CCSER1: variants seen among roughly 807,000 people sequenced by gnomAD.
CCSER1 encodes coiled-coil serine rich protein 1, also known as serine-rich coiled-coil domain-containing protein 1.
A neutral mutation model predicts 82.0 loss-of-function variants in CCSER1; 41 were observed. The observed-to-expected ratio is 0.50, with a 90% CI of 0.39 to 0.65. The LOEUF (loss-of-function observed/expected upper bound fraction) is 0.65, where lower values mean the gene tolerates loss of function less well. Ranked by LOEUF, CCSER1 falls within the 30% of genes least tolerant of loss-of-function variation. CCSER1 has a pLI of 0.00. For synonymous variants in CCSER1, 414 were observed against 383.9 expected (o/e 1.08, Z -0.92); for missense variants, 1,119 against 1,064.2 (o/e 1.05, Z -0.72).
chr4:91,391,641 G>C (rs1237103356), intron 10 of CCSER1, among the ~76,000 whole-genome samples: 1 of 152,094 alleles, frequency 6.6e-6, no homozygotes, highest in Non-Finnish European at 1.5e-5. Context: ...TTAATCTCTA[G>C]AATTTTGGGA....
chr4:90,612,801 T>G (rs2148830370), intron 5 of CCSER1, among the ~76,000 whole-genome samples: 1 of 152,290 alleles, frequency 6.6e-6, no homozygotes, highest in East Asian at 1.9e-4. Flanking sequence ...CGTACTCTGT[T>G]AAAATAAAAT....
At chr4:91,273,420 G>T (rs532174935) in intron 10 of CCSER1, among the ~76,000 whole-genome samples, 27 of 152,212 alleles carry the variant, frequency 1.8e-4, no homozygotes, top group African/African-American at 5.5e-4. Flanking sequence ...TGCTGTTTGT[G>T]TATAGAAGAT....
chr4:91,144,233 T>A (rs371328471), intron 10 of CCSER1, among the ~76,000 whole-genome samples: 147 of 152,106 alleles, frequency 9.7e-4, no homozygotes, highest in African/African-American at 3.4e-3. Context: ...TTTTCTAGAT[T>A]TTCTAGTTGA....
At chr4:90,588,472 G>A (rs1383564412) in intron 5 of CCSER1, among the ~76,000 whole-genome samples, 5 of 152,172 alleles carry the variant, frequency 3.3e-5, no homozygotes, top group African/African-American at 1.2e-4. Flanking sequence ...TGAGTTTGCA[G>A]CAATTCAGTT....
rs192804343 is a variant in CCSER1, at chr4:90,461,237, T to A, written c.1604-6997T>A. ...CCCGCCACTACGCCCGGCTAATTTT[T>A]TGTATTTTTAGTAGAGACGGGGTTT... On this transcript the variant is annotated intron_variant, in intron 4 of 10. Coordinates refer to ENST00000509176, the MANE Select transcript of CCSER1 (RefSeq NM_001145065.2). 2.8e-4 allele frequency among the ~76,000 whole-genome samples: 39 copies of A among 139,416 alleles called. 7 individuals are homozygous for A. The highest frequency in any genetic ancestry group is 1.1e-3 in the African/African-American group (36 of 33,176). The allele number at this position is 139,416 out of a possible 152,430, so 91.5% of individuals were successfully genotyped here. A position where few individuals can be genotyped will look rare whatever the true frequency, so the allele number is the denominator to read the frequency against.
intron 9 of CCSER1, among the ~76,000 whole-genome samples, chr4:90,995,328 T>C (rs1471826260): frequency 6.6e-6 from 1 of 152,138 alleles, no homozygotes; most frequent in African/African-American, 2.4e-5. Context: ...TCCATTAGTT[T>C]TTGGACATTG....
chr4:90,864,925 C>T (rs963148521), intron 8 of CCSER1, among the ~76,000 whole-genome samples: 32 of 152,050 alleles, frequency 2.1e-4, no homozygotes, highest in Admixed American at 1.4e-3. Context: ...TCTATGACTG[C>T]TGGTAGGTGT....
chr4:91,492,518 C>T (rs973358065), intron 10 of CCSER1, among the ~76,000 whole-genome samples: 1 of 152,076 alleles, frequency 6.6e-6, no homozygotes, highest in Admixed American at 6.6e-5. Flanking sequence ...AGTATATCCC[C>T]CAGATAAGTC....
intron 10 of CCSER1, among the ~76,000 whole-genome samples, chr4:91,146,905 A>C (rs1335471214): frequency 6.6e-6 from 1 of 152,106 alleles, no homozygotes; most frequent in Non-Finnish European, 1.5e-5. Flanking sequence ...TGCTCTGGGA[A>C]AGGGAGACAG....
At chr4:91,496,736 A>AT (rs1758898488) in intron 10 of CCSER1, among the ~76,000 whole-genome samples, 1 of 71,486 alleles carries the variant, frequency 1.4e-5, no homozygotes, top group Admixed American at 2.0e-4. Flanking sequence ...ATATATATAT[A>AT]TTGAATATAT....
Position 91,527,157 on chromosome 4 carries a change from T to G in CCSER1, c.2218-71415T>G, listed in dbSNP as rs1369150198. 3.3e-5 allele frequency among the ~76,000 whole-genome samples: 5 copies of G among 152,198 alleles called. No individual in the cohort carries two copies. In the South Asian group the frequency reaches 8.3e-4, roughly 25 times the overall value. ...GATCTTTAAAGAGAAAATGATATTT[T>G]GGGAAGATGGATTTATTTTAATAAA... On this transcript the variant is annotated intron_variant, in intron 10 of 10. Coordinates refer to ENST00000509176, the MANE Select transcript of CCSER1 (RefSeq NM_001145065.2).
intron 10 of CCSER1, among the ~76,000 whole-genome samples, chr4:91,265,105 G>A (rs916873012): frequency 6.6e-6 from 1 of 151,864 alleles, no homozygotes; most frequent in African/African-American, 2.4e-5. Context: ...TATCTCACTA[G>A]AATTTTCAAT....
At chr4:90,831,904 C>T (rs949838246) in intron 8 of CCSER1, among the ~76,000 whole-genome samples, 1 of 152,026 alleles carries the variant, frequency 6.6e-6, no homozygotes, top group Non-Finnish European at 1.5e-5. Context: ...TCTCCCTCCT[C>T]CAATTTTTAT....
At chr4:90,191,808 C>G (rs1447467303) in intron 1 of CCSER1, among the ~76,000 whole-genome samples, 1 of 151,862 alleles carries the variant, frequency 6.6e-6, no homozygotes, top group Non-Finnish European at 1.5e-5. Flanking sequence ...TGTGTGCAGA[C>G]AAATAAAAGT....
chr4:90,277,532 C>T (rs913887659), intron 1 of CCSER1, among the ~76,000 whole-genome samples: 1 of 152,116 alleles, frequency 6.6e-6, no homozygotes, highest in Non-Finnish European at 1.5e-5. Flanking sequence ...CAAATATCTA[C>T]AACCATCTGA....
chr4:90,725,708 TA>T (rs1361162328), intron 7 of CCSER1, among the ~76,000 whole-genome samples: 3 of 151,742 alleles, frequency 2.0e-5, no homozygotes, highest in Non-Finnish European at 4.4e-5. Context: ...AAACACAAAA[TA>T]TACAGAACTA....
At chr4:90,768,515 C>G (rs2149551561) in intron 7 of CCSER1, among the ~76,000 whole-genome samples, 1 of 152,176 alleles carries the variant, frequency 6.6e-6, no homozygotes, top group Non-Finnish European at 1.5e-5. Context: ...TGTAATAAGT[C>G]TAAAATATGA....
intron 10 of CCSER1, among the ~76,000 whole-genome samples, chr4:91,366,052 C>T (rs934864413): frequency 6.6e-6 from 1 of 152,108 alleles, no homozygotes; most frequent in African/African-American, 2.4e-5. Context: ...GAGTTTTGCT[C>T]TTGTTGCCCA....
intron 6 of CCSER1, among the ~76,000 whole-genome samples, chr4:90,640,322 T>C (rs2148979596): frequency 6.6e-6 from 1 of 152,264 alleles, no homozygotes; most frequent in Non-Finnish European, 1.5e-5. Context: ...TGAAAATTAA[T>C]AATAGATGTC....
Sources: gnomAD v4.1 joint callset for allele counts (sites outside exome capture counted in the v4.1 genomes callset) on GRCh38, gnomAD v4.1.1 for gene constraint, MANE v1.5 for transcripts, NCBI Gene and HGNC (gene_info 2026-07-23, HGNC 2026-07-21) for gene names.